AMPH: variants seen among roughly 807,000 people sequenced by gnomAD.
AMPH encodes amphiphysin (Stiff-Mann syndrome with breast cancer 128kD autoantigen).
Under a neutral mutation model 99.1 loss-of-function variants are expected in AMPH, and 49 were observed. The observed-to-expected ratio is 0.49, with a 90% CI of 0.39 to 0.63. The LOEUF (loss-of-function observed/expected upper bound fraction) is 0.63. Among genes scored for constraint, AMPH ranks in the 20% least tolerant of loss-of-function variants. AMPH has a pLI of 0.00. For synonymous variants in AMPH, 314 were observed against 317.3 expected (o/e 0.99, Z 0.11); for missense variants, 759 against 863.4 (o/e 0.88, Z 1.52).
intron 1 of AMPH, among the ~76,000 whole-genome samples, chr7:38,570,510 C>T (rs142979979): frequency 2.1e-4 from 32 of 152,044 alleles, no homozygotes; most frequent in African/African-American, 6.0e-4. Context: ...GCAGCCATAG[C>T]GATATCATGG....
intron 1 of AMPH, among the ~76,000 whole-genome samples, chr7:38,613,811 A>AAC (rs1186869908): frequency 1.3e-5 from 2 of 151,844 alleles, no homozygotes; most frequent in Non-Finnish European, 2.9e-5. Flanking sequence ...AGCCAAAAAA[A>AAC]AAAAAAATAG....
At chr7:38,531,438 T>A (rs1790395041) in intron 2 of AMPH, 1 of 152,180 alleles carries the variant, frequency 6.6e-6, no homozygotes, top group Non-Finnish European at 1.5e-5. Flanking sequence ...AGACCCTTTA[T>A]CGATGCTCTC....
intron 1 of AMPH, among the ~76,000 whole-genome samples, chr7:38,544,591 A>G (rs528110504): frequency 6.6e-6 from 1 of 152,358 alleles, no homozygotes; most frequent in Admixed American, 6.5e-5. Flanking sequence ...GAATTTTAAG[A>G]GACTTCATGG....
intron 11 of AMPH, among the ~76,000 whole-genome samples, chr7:38,451,309 G>C (rs60239210): frequency 6.8e-6 from 1 of 147,612 alleles, no homozygotes; most frequent in African/African-American, 2.6e-5. Flanking sequence ...ATATACGTGT[G>C]TATATACACA....
chr7:38,535,983 C>T (rs1024429733), intron 1 of AMPH, among the ~76,000 whole-genome samples: 2 of 152,108 alleles, frequency 1.3e-5, no homozygotes, highest in Non-Finnish European at 2.9e-5. Context: ...TAAGTTCCGT[C>T]TCACCATCTT....
chr7:38,499,621 T>G (rs892867790), intron 3 of AMPH, among the ~76,000 whole-genome samples: 11 of 152,194 alleles, frequency 7.2e-5, no homozygotes, highest in African/African-American at 2.7e-4. Flanking sequence ...ACCTGTGTTA[T>G]AGCAGGATTA....
At chr7:38,600,547 A>C (rs1200570630) in intron 1 of AMPH, among the ~76,000 whole-genome samples, 1 of 152,188 alleles carries the variant, frequency 6.6e-6, no homozygotes, top group Non-Finnish European at 1.5e-5. Flanking sequence ...ATATCTATTG[A>C]GATTATTACT....
At chr7:38,457,866 A>C (rs1309121069) in intron 11 of AMPH, among the ~76,000 whole-genome samples, 2 of 152,140 alleles carry the variant, frequency 1.3e-5, no homozygotes, top group Non-Finnish European at 2.9e-5. Context: ...TTTTCTTTCA[A>C]GGCTATTACT....
chr7:38,592,002 G>A (rs1031635077), intron 1 of AMPH, among the ~76,000 whole-genome samples: 1 of 152,098 alleles, frequency 6.6e-6, no homozygotes, highest in African/African-American at 2.4e-5. Context: ...CATGAACAGA[G>A]ATTTACCCAC....
chr7:38,499,550 G>T (rs1789055944), intron 3 of AMPH, among the ~76,000 whole-genome samples: 1 of 152,108 alleles, frequency 6.6e-6, no homozygotes. Context: ...TCCCACAATT[G>T]CCCCAGGACC....
intron 17 of AMPH, among the ~76,000 whole-genome samples, chr7:38,397,614 T>C (rs1784707890): frequency 1.3e-5 from 2 of 152,224 alleles, no homozygotes; most frequent in South Asian, 2.1e-4. Context: ...AAAGATTTCT[T>C]GAGTAATATC....
At chr7:38,579,159 C>A (rs1792355295) in intron 1 of AMPH, among the ~76,000 whole-genome samples, 2 of 152,226 alleles carry the variant, frequency 1.3e-5, no homozygotes, top group African/African-American at 4.8e-5. Flanking sequence ...AGAAAGACCA[C>A]AAAACACCCA....
rs148089769 is a variant in AMPH, at chr7:38,590,474, T to C, written c.69+40809A>G. Reference sequence around the variant, plus strand: ...AAGAGTGTGCAGTTGCAAGCTTTAATAGAGTGAAAACAGAGCTCCCATACA... The same window carrying C: ...AAGAGTGTGCAGTTGCAAGCTTTAACAGAGTGAAAACAGAGCTCCCATACA... On this transcript the variant is annotated intron_variant, in intron 1 of 20. Transcript: ENST00000356264. Among the ~76,000 whole-genome samples the C allele has an allele frequency of 2.1e-3, 325 of 152,210 alleles. 2 individuals carry two copies. Among genetic ancestry groups the C allele is most frequent in the African/African-American group, 6.8e-3 (283 of 41,534 alleles).
chr7:38,479,035 A>C (rs1336570859), intron 5 of AMPH, among the ~76,000 whole-genome samples: 1 of 152,160 alleles, frequency 6.6e-6, no homozygotes, highest in Non-Finnish European at 1.5e-5. Context: ...AGATGAGAGA[A>C]TAATAAGCAA....
At position 38,530,216 on chromosome 7, in the gene AMPH, G is replaced by A. The variant is rs1036545638; in HGVS notation, c.150+4715C>T. ...ATAGAAGCAGCAAAACAGGATCGCT[G>A]TGTCCAGGAGGTGTGAGTTCAGTCT... On this transcript the variant is annotated intron_variant, in intron 2 of 20. Coordinates refer to ENST00000356264, the MANE Select transcript of AMPH (RefSeq NM_001635.4). 4.6e-5 allele frequency among the ~76,000 whole-genome samples: 7 copies of A among 152,238 alleles called. No homozygotes were observed. The South Asian group carries it at 6.2e-4, about 13-fold the overall frequency.
Position 38,426,961 on chromosome 7 carries a change from A to G in AMPH, c.1208T>C (p.Phe403Ser), listed in dbSNP as rs1444808020. Residue 403 changes from phenylalanine (F) to serine (S), a missense_variant, in exon 15 of 21, where the codon TTC becomes TCC. Around this residue, in one of 2 missense-constraint regions of AMPH, gnomAD observed 554 missense variants for 575.6 expected, o/e 0.96. Coordinates refer to ENST00000356264, the MANE Select transcript of AMPH (RefSeq NM_001635.4). ...AGAAAACAGATTCCTTACCTGTGTG[A>G]ATCCATTAAATGAACCACCAGAAGC... ...QPASGGSFNG[F>S]TQPQDTSLFT... 6.2e-7 allele frequency: 1 copy of G among 1,613,102 alleles called. No individual in the cohort carries two copies. Among genetic ancestry groups the G allele is most frequent in the East Asian group, 2.2e-5 (1 of 44,824 alleles).
intron 2 of AMPH, among the ~76,000 whole-genome samples, chr7:38,509,554 T>C (rs1789459292): frequency 6.6e-6 from 1 of 152,238 alleles, no homozygotes; most frequent in East Asian, 1.9e-4. Flanking sequence ...CATAGTGTGT[T>C]AAACCGCCAT....
intron 7 of AMPH, among the ~76,000 whole-genome samples, chr7:38,471,488 T>A (rs1318688404): frequency 6.6e-5 from 10 of 152,200 alleles, no homozygotes; most frequent in Non-Finnish European, 7.3e-5. Flanking sequence ...CCTCATGAAC[T>A]ACTAATCTTT....
At chr7:38,616,971 A>T (rs17171420) in intron 1 of AMPH, among the ~76,000 whole-genome samples, 12,198 of 152,220 alleles carry the variant, frequency 0.08, 806 homozygotes, top group African/African-American at 0.17. Flanking sequence ...TACAGATAGA[A>T]GTAGATATAA....
Sources: gnomAD v4.1 joint callset for allele counts (sites outside exome capture counted in the v4.1 genomes callset) on GRCh38, gnomAD v4.1.1 for gene constraint, gnomAD v4.1.1 regional missense constraint, MANE v1.5 for transcripts, NCBI Gene and HGNC (gene_info 2026-07-23, HGNC 2026-07-21) for gene names.